NCAM1: variants seen among roughly 807,000 people sequenced by gnomAD.
NCAM1 encodes antigen recognized by monoclonal antibody 5.1H11.
A neutral mutation model predicts 109.8 loss-of-function variants in NCAM1; 14 were observed. The observed-to-expected ratio is 0.13, with a 90% confidence interval of 0.08 to 0.20. The LOEUF is 0.20. NCAM1 is among the 10% of genes least tolerant of loss of function. The pLI, the probability that NCAM1 is intolerant of heterozygous loss-of-function variation, is 1.00. For synonymous variants in NCAM1, 418 were observed against 442.9 expected (o/e 0.94, Z 0.70); for missense variants, 774 against 1,109.9 (o/e 0.70, Z 4.30).
intron 1 of NCAM1, among the ~76,000 whole-genome samples, chr11:113,055,590 G>C (rs2437694): frequency 0.59 from 89,321 of 151,950 alleles, 27,810 homozygotes; most frequent in African/African-American, 0.76. Context: ...ATTTTAGCTA[G>C]GTAGCCTTTC....
intron 1 of NCAM1, among the ~76,000 whole-genome samples, chr11:113,017,635 T>TTGTGTGTGTGTGTGTGTGTG (rs71698389): frequency 0.035 from 5,085 of 145,138 alleles, 143 homozygotes; most frequent in African/African-American, 0.07. Context: ...CAGTACTGTT[T>TTGTGTGTGTGTGTGTGTGTG]TGTGTGTGTG....
intron 1 of NCAM1, among the ~76,000 whole-genome samples, chr11:113,122,181 TCA>T: frequency 6.6e-6 from 1 of 152,340 alleles, no homozygotes; most frequent in East Asian, 1.9e-4. Context: ...TTTGCAGAAC[TCA>T]GTGTTTTTGT....
chr11:113,117,978 A>T (rs1342509779), intron 1 of NCAM1, among the ~76,000 whole-genome samples: 3 of 151,992 alleles, frequency 2.0e-5, no homozygotes, highest in African/African-American at 7.3e-5. Flanking sequence ...CCTGAGAGTG[A>T]AGTGATTAAT....
At chr11:113,064,191 A>ATT (rs1937828651) in intron 1 of NCAM1, among the ~76,000 whole-genome samples, 2 of 152,208 alleles carry the variant, frequency 1.3e-5, no homozygotes, top group Non-Finnish European at 2.9e-5. Flanking sequence ...TGGAAATTGC[A>ATT]GTCCCACTTC....
intron 1 of NCAM1, among the ~76,000 whole-genome samples, chr11:112,970,095 T>C (rs1555066506): frequency 1.3e-5 from 2 of 152,138 alleles, no homozygotes. Flanking sequence ...GAATTGCTAT[T>C]GAAGAGCAGT....
chr11:113,109,017 G>A (rs564780810), intron 1 of NCAM1, among the ~76,000 whole-genome samples: 2 of 149,198 alleles, frequency 1.3e-5, no homozygotes, highest in Admixed American at 6.7e-5. Flanking sequence ...TTGGGCCACC[G>A]GGCCTGGCTC....
intron 1 of NCAM1, among the ~76,000 whole-genome samples, chr11:112,978,335 T>C (rs1469858852): frequency 6.6e-6 from 1 of 151,772 alleles, no homozygotes; most frequent in Non-Finnish European, 1.5e-5. Context: ...TTTTAGAAAA[T>C]ACGTGATTCG....
chr11:113,259,577 C>T (rs1193169027), intron 16 of NCAM1, among the ~76,000 whole-genome samples: 9 of 152,116 alleles, frequency 5.9e-5, no homozygotes, highest in South Asian at 4.1e-4. Flanking sequence ...GGGACCTTGA[C>T]GGTGTTGGCC....
At chr11:112,961,856 C>T (rs1419878932) in intron 1 of NCAM1, among the ~76,000 whole-genome samples, 192 bp downstream of exon 1, 2 of 152,136 alleles carry the variant, frequency 1.3e-5, no homozygotes, top group Non-Finnish European at 2.9e-5. Context: ...CTGCGCTGCA[C>T]GGGGCTGCCT....
intron 9 of NCAM1, among the ~76,000 whole-genome samples, chr11:113,224,009 C>T (rs900692949): frequency 3.9e-5 from 6 of 152,182 alleles, no homozygotes; most frequent in East Asian, 1.9e-4. Context: ...GCATGAGCGA[C>T]GCAGAAGACG....
chr11:113,219,862 C>T (rs1944634321), intron 8 of NCAM1, among the ~76,000 whole-genome samples: 1 of 152,220 alleles, frequency 6.6e-6, no homozygotes. Flanking sequence ...CGTGTTGGCC[C>T]ACCGTTACTT....
intron 1 of NCAM1, among the ~76,000 whole-genome samples, chr11:113,009,312 G>GTTTTTTTGTGGTTT (rs1555073910): frequency 1.3e-5 from 1 of 79,656 alleles, no homozygotes; most frequent in Non-Finnish European, 2.4e-5. Flanking sequence ...GTTTTTTCGG[G>GTTTTTTTGTGGTTT]TTTTTTTTTT....
intron 1 of NCAM1, among the ~76,000 whole-genome samples, chr11:113,188,792 G>T (rs530102165): frequency 4.9e-4 from 75 of 152,168 alleles, no homozygotes; most frequent in Non-Finnish European, 9.1e-4. Flanking sequence ...CACTGTCCAG[G>T]GAGACAGGGT....
intron 9 of NCAM1, among the ~76,000 whole-genome samples, chr11:113,223,202 G>T (rs1464645708): frequency 6.6e-6 from 1 of 152,124 alleles, no homozygotes; most frequent in Non-Finnish European, 1.5e-5. Context: ...TGGATGGCTG[G>T]TAGGTGGCAC....
chr11:113,044,409 G>C (rs1031264269), intron 1 of NCAM1, among the ~76,000 whole-genome samples: 7 of 152,296 alleles, frequency 4.6e-5, no homozygotes, highest in Non-Finnish European at 1.0e-4. Flanking sequence ...TGTAGGCTGG[G>C]TGTGGTGGCT....
intron 1 of NCAM1, among the ~76,000 whole-genome samples, chr11:113,199,051 C>A (rs1288058236): frequency 6.6e-6 from 1 of 152,184 alleles, no homozygotes; most frequent in Non-Finnish European, 1.5e-5. Context: ...CCTCTTGTCC[C>A]TGCCCCTGGG....
At chr11:113,071,133 C>T (rs1938242174) in intron 1 of NCAM1, among the ~76,000 whole-genome samples, 1 of 151,994 alleles carries the variant, frequency 6.6e-6, no homozygotes, top group Non-Finnish European at 1.5e-5. Flanking sequence ...AGAAAAAGGA[C>T]AGGAAGAGGA....
chr11:113,108,434 G>A (rs1234753281), intron 1 of NCAM1, among the ~76,000 whole-genome samples: 3 of 152,128 alleles, frequency 2.0e-5, no homozygotes, highest in African/African-American at 4.8e-5. Flanking sequence ...TCGGGTAATT[G>A]CTTTCCCAGA....
intron 1 of NCAM1, among the ~76,000 whole-genome samples, chr11:113,057,216 C>T (rs1282473079): frequency 2.6e-5 from 4 of 152,064 alleles, no homozygotes; most frequent in Non-Finnish European, 2.9e-5. Context: ...CCAACAGTGA[C>T]GAGGAGATAA....
Sources: allele counts gnomAD v4.1 joint callset (sites outside exome capture counted in the v4.1 genomes callset), GRCh38; gene constraint gnomAD v4.1.1; transcripts MANE v1.5; gene names NCBI Gene and HGNC (gene_info 2026-07-23, HGNC 2026-07-21).